NDST3: variants seen among roughly 807,000 people sequenced by gnomAD.
The protein encoded by NDST3 is N-deacetylase and N-sulfotransferase 3, also known as bifunctional heparan sulfate N-deacetylase/N-sulfotransferase 3.
A neutral mutation model predicts 96.1 loss-of-function variants in NDST3; 58 were observed. The ratio of observed to expected loss-of-function variants is 0.60; its 90% CI spans 0.49 to 0.75. The LOEUF is 0.75. Ranked by LOEUF, NDST3 falls within the 30% of genes least tolerant of loss-of-function variation. The probability of loss-of-function intolerance (pLI) is 0.00; values close to 1 mark genes in which losing one functional copy is unlikely to be tolerated. For synonymous variants in NDST3, 333 were observed against 359.7 expected (o/e 0.93, Z 0.84); for missense variants, 788 against 1,034.2 (o/e 0.76, Z 3.27).
At chr4:118,038,010 C>A (rs1168664791) in intron 1 of NDST3, among the ~76,000 whole-genome samples, 1 of 152,158 alleles carries the variant, frequency 6.6e-6, no homozygotes, top group East Asian at 1.9e-4. Flanking sequence ...TGCCCTAAAA[C>A]ATAGCCAACA....
chr4:118,034,059 T>G (rs1375812970), upstream of NDST3: 3 of 152,232 alleles, frequency 2.0e-5, no homozygotes, highest in African/African-American at 7.2e-5. Flanking sequence ...CTCGTTTTAT[T>G]TAACCAGCTT....
intron 6 of NDST3, among the ~76,000 whole-genome samples, chr4:118,203,596 T>C (rs890003707): frequency 2.6e-5 from 4 of 152,200 alleles, no homozygotes; most frequent in Admixed American, 6.5e-5. Context: ...TTTGTGTGCA[T>C]AGGGTTGTGA....
At chr4:118,115,911 T>A (rs1731045173) in intron 4 of NDST3, among the ~76,000 whole-genome samples, 2 of 152,106 alleles carry the variant, frequency 1.3e-5, no homozygotes, top group Non-Finnish European at 2.9e-5. Flanking sequence ...TTCAATCTAC[T>A]CCCCCAAATA....
intron 6 of NDST3, among the ~76,000 whole-genome samples, chr4:118,192,930 A>C (rs2125967609): frequency 6.6e-6 from 1 of 152,194 alleles, no homozygotes; most frequent in African/African-American, 2.4e-5. Flanking sequence ...TGGGGTGAGG[A>C]AGGGAACAGA....
At chr4:118,099,319 T>G (rs1172997122) in intron 2 of NDST3, among the ~76,000 whole-genome samples, 2 of 152,104 alleles carry the variant, frequency 1.3e-5, no homozygotes, top group African/African-American at 4.8e-5. Flanking sequence ...ATGGTGGCCT[T>G]GGCCTAAGGC....
intron 6 of NDST3, among the ~76,000 whole-genome samples, chr4:118,177,520 A>G (rs1436512961): frequency 6.6e-6 from 1 of 152,038 alleles, no homozygotes; most frequent in Non-Finnish European, 1.5e-5. Context: ...AATCAATGTC[A>G]GCCTCTTTTA....
intron 2 of NDST3, among the ~76,000 whole-genome samples, chr4:118,098,572 G>T (rs866815264): frequency 2.0e-5 from 3 of 151,912 alleles, no homozygotes; most frequent in Non-Finnish European, 2.9e-5. Flanking sequence ...ATTCTTCACC[G>T]CTGTAATTTA....
rs192029878 is a variant in NDST3 at position 118,082,860 on chromosome 4, A to G, written c.982-22158A>G. Among the ~76,000 whole-genome samples, 23 of 152,200 alleles carry G rather than the reference A, an allele frequency of 1.5e-4. No individual in the cohort carries two copies. In the East Asian group the frequency reaches 4.3e-3, roughly 28 times the overall value. On this transcript the variant is annotated intron_variant, in intron 2 of 13. Transcript: ENST00000296499. ...AAGCATGGCTGGGGAGGCCTCAGGG[A>G]GCTTCTAATTATGGCAGAAGGCAAA...
intron 1 of NDST3, among the ~76,000 whole-genome samples, chr4:118,040,838 A>C (rs965215973): frequency 1.4e-5 from 2 of 145,410 alleles, no homozygotes; most frequent in Non-Finnish European, 3.0e-5. Context: ...CACCATGTCC[A>C]ACTAATTTAT....
At chr4:118,250,488 T>G (rs1192177728) in intron 12 of NDST3, among the ~76,000 whole-genome samples, 4 of 127,688 alleles carry the variant, frequency 3.1e-5, no homozygotes, top group Admixed American at 7.5e-5. Context: ...TGTTCCAATC[T>G]TTTTTTTTTT....
chr4:118,073,188 T>C (rs546289329), intron 2 of NDST3, among the ~76,000 whole-genome samples: 32 of 152,218 alleles, frequency 2.1e-4, no homozygotes, highest in African/African-American at 7.2e-4. Context: ...TTAAGTTTTC[T>C]TTTTTACTGT....
intron 6 of NDST3, among the ~76,000 whole-genome samples, chr4:118,184,602 TACACACA>T (rs1447731554): frequency 7.9e-4 from 110 of 138,580 alleles, no homozygotes; most frequent in African/African-American, 2.8e-3. Context: ...TCTCTCTCTC[TACACACA>T]CACACACACA....
intron 2 of NDST3, 138 bp from the exon 3 acceptor site, chr4:118,104,880 A>G: frequency 1.7e-6 from 1 of 605,720 alleles, no homozygotes; most frequent in East Asian, 2.8e-5. Flanking sequence ...TAAAGTGATA[A>G]AGAAACTATT....
rs185567327 is a variant in NDST3, at chr4:118,119,590, C to T, written c.1224+4630C>T. Among the ~76,000 whole-genome samples the T allele has an allele frequency of 2.3e-3, 350 of 152,104 alleles. 1 individual carries two copies. The highest frequency in any genetic ancestry group is 0.01 in the Middle Eastern group (3 of 294). ...TTGGCCATTGTTCAGAGCAAAATGA[C>T]CAATATGATGAAGTCTATAATTTAC... On this transcript the variant is annotated intron_variant, in intron 4 of 13. Coordinates refer to ENST00000296499, the MANE Select transcript of NDST3 (RefSeq NM_004784.3).
At chr4:118,134,350 A>C (rs976518625) in intron 4 of NDST3, among the ~76,000 whole-genome samples, 1 of 152,228 alleles carries the variant, frequency 6.6e-6, no homozygotes, top group African/African-American at 2.4e-5. Flanking sequence ...GAAATCAGGG[A>C]AAGATTTTGA....
At chr4:118,064,805 TAAGTTC>T (rs998877020) in intron 2 of NDST3, among the ~76,000 whole-genome samples, 1 of 152,152 alleles carries the variant, frequency 6.6e-6, no homozygotes, top group African/African-American at 2.4e-5. Flanking sequence ...CTTACTGAGC[TAAGTTC>T]AAGATGTCCA....
At chr4:118,240,951 C>T (rs887670951) in intron 11 of NDST3, among the ~76,000 whole-genome samples, 27 of 152,140 alleles carry the variant, frequency 1.8e-4, no homozygotes, top group African/African-American at 6.0e-4. Context: ...GCTTTAGATA[C>T]GATTCTTATC....
intron 3 of NDST3, among the ~76,000 whole-genome samples, chr4:118,109,064 C>A (rs902039411): frequency 2.0e-5 from 3 of 152,164 alleles, no homozygotes; most frequent in Admixed American, 2.0e-4. Flanking sequence ...TCTTTATGTG[C>A]AGAGGTTTAG....
chr4:118,205,913 A>G (rs983743351), intron 6 of NDST3, among the ~76,000 whole-genome samples: 4 of 139,502 alleles, frequency 2.9e-5, no homozygotes, highest in African/African-American at 1.1e-4. Context: ...GCTCACTGCA[A>G]GCTCCGCCTC....
Sources: allele counts gnomAD v4.1 joint callset (sites outside exome capture counted in the v4.1 genomes callset), GRCh38; gene constraint gnomAD v4.1.1; transcripts MANE v1.5; gene names NCBI Gene and HGNC (gene_info 2026-07-23, HGNC 2026-07-21).